SH3RF3: variants seen among roughly 807,000 people sequenced by gnomAD.
The protein encoded by SH3RF3 is E3 ubiquitin-protein ligase SH3RF3.
In SH3RF3, 29 loss-of-function variants were observed where a neutral mutation model predicts 66.3. The observed-to-expected ratio is 0.44, with a 90% CI of 0.33 to 0.60. The LOEUF (loss-of-function observed/expected upper bound fraction) is 0.60. Ranked by LOEUF, SH3RF3 falls within the 20% of genes least tolerant of loss-of-function variation. The probability of loss-of-function intolerance (pLI) is 0.04; values close to 1 mark genes in which losing one functional copy is unlikely to be tolerated. For synonymous variants in SH3RF3, 583 were observed against 532.0 expected (o/e 1.10, Z -1.32); for missense variants, 1,194 against 1,190.9 (o/e 1.00, Z -0.04).
chr2:109,470,762 CT>C (rs1299203905), intron 8 of SH3RF3, among the ~76,000 whole-genome samples: 3 of 152,232 alleles, frequency 2.0e-5, no homozygotes, highest in Non-Finnish European at 4.4e-5. Context: ...TCAGCCACCC[CT>C]GTTCCACAGG....
chr2:109,141,238 T>C (rs926882620), intron 1 of SH3RF3, among the ~76,000 whole-genome samples: 13 of 152,320 alleles, frequency 8.5e-5, no homozygotes, highest in Admixed American at 2.0e-4. Flanking sequence ...TCAGTGACCC[T>C]TCCTCACTCT....
Position 109,164,514 on chromosome 2 carries a change from C to T in SH3RF3, c.573+34401C>T, listed in dbSNP as rs562851584. On this transcript the variant is annotated intron_variant, in intron 1 of 9. Coordinates refer to ENST00000309415, the MANE Select transcript of SH3RF3 (RefSeq NM_001099289.3). ...TAATTTTATTTTTCTGTAGACTCTTCGGCCAAGCCTGGCTGTTTCCCAGTT... is the reference window on the plus strand; with the variant it reads ...TAATTTTATTTTTCTGTAGACTCTTTGGCCAAGCCTGGCTGTTTCCCAGTT... Among the ~76,000 whole-genome samples the T allele has an allele frequency of 3.0e-4, 46 of 152,272 alleles. 1 individual carries two copies. In the South Asian group the frequency reaches 6.4e-3, roughly 21 times the overall value.
Position 109,371,741 on chromosome 2 carries a change from G to T in SH3RF3, c.945+60G>T, listed in dbSNP as rs1683277435. On this transcript the variant is annotated intron_variant, in intron 3 of 9. Transcript: ENST00000309415. ...TCTTGCCCACCCTTGTTTCACTACA[G>T]TGGGGTCACCTGACCTTCAAGCCCC... The T allele has an allele frequency of 4.8e-6, 7 of 1,469,744 alleles. No homozygotes were observed. The African/African-American group carries it at 9.7e-5, about 20-fold the overall frequency. 91.0% of individuals were successfully genotyped at this position (1,469,744 alleles called of 1,614,324 possible). A position where few individuals can be genotyped will look rare whatever the true frequency, so the allele number is the denominator to read the frequency against.
chr2:109,357,605 C>A (rs11898400), intron 2 of SH3RF3, among the ~76,000 whole-genome samples: 22,548 of 152,214 alleles, frequency 0.15, 1,968 homozygotes, highest in Middle Eastern at 0.24. Context: ...TTGCTCTTGA[C>A]CTTCACATCA....
At chr2:109,417,621 C>T (rs1338137739) in intron 4 of SH3RF3, among the ~76,000 whole-genome samples, 1 of 152,160 alleles carries the variant, frequency 6.6e-6, no homozygotes, top group African/African-American at 2.4e-5. Context: ...AGGTTTTTCT[C>T]ACAGTGTCTG....
intron 8 of SH3RF3, 117 bp from the exon 9 acceptor site, chr2:109,490,488 A>C: frequency 1.1e-6 from 1 of 941,864 alleles, no homozygotes; most frequent in East Asian, 3.0e-5. Flanking sequence ...TTTTGTCTGA[A>C]AAAATAAGAA....
At chr2:109,335,005 A>T (rs1682376733) in intron 1 of SH3RF3, among the ~76,000 whole-genome samples, 1 of 152,090 alleles carries the variant, frequency 6.6e-6, no homozygotes, top group Non-Finnish European at 1.5e-5. Flanking sequence ...AACGCGATTT[A>T]TGTCACCGCG....
At chr2:109,353,159 A>T (rs1242252943) in intron 2 of SH3RF3, among the ~76,000 whole-genome samples, 2 of 152,066 alleles carry the variant, frequency 1.3e-5, no homozygotes, top group Admixed American at 1.3e-4. Context: ...ACAAGGCCCC[A>T]CCTCACCCAG....
chr2:109,305,318 G>A lies in SH3RF3; in HGVS notation c.574-42356G>A, dbSNP rs1459904968. 2.0e-5 allele frequency among the ~76,000 whole-genome samples: 3 copies of A among 152,098 alleles called. No individual in the cohort carries two copies. The East Asian group carries it at 5.8e-4, about 29-fold the overall frequency. The stretch of plus-strand genomic sequence containing the variant: ...AGGCCTGTCATGAAGTTCCCTGAGA[G>A]GATGAAGCGCCTCTTCTGTGGTTAC... On this transcript the variant is annotated intron_variant, in intron 1 of 9. Transcript: ENST00000309415.
chr2:109,369,396 C>A (rs914030592), intron 2 of SH3RF3, among the ~76,000 whole-genome samples: 4 of 152,188 alleles, frequency 2.6e-5, no homozygotes, highest in Non-Finnish European at 5.9e-5. Flanking sequence ...CAACGCTGAG[C>A]GTTGCTGGAG....
chr2:109,251,574 TG>T, intron 1 of SH3RF3: 1 of 853,496 alleles, frequency 1.2e-6, no homozygotes, highest in Non-Finnish European at 2.0e-6. Context: ...TGGCGACTGG[TG>T]GGCAACAGAA....
intron 1 of SH3RF3, among the ~76,000 whole-genome samples, chr2:109,334,487 G>T (rs1031165927): frequency 8.6e-5 from 13 of 151,996 alleles, no homozygotes; most frequent in African/African-American, 3.1e-4. Flanking sequence ...GACTTTCCTC[G>T]CAATAAGGGC....
At chr2:109,345,121 G>A (rs1682655115) in intron 1 of SH3RF3, among the ~76,000 whole-genome samples, 1 of 152,172 alleles carries the variant, frequency 6.6e-6, no homozygotes, top group Admixed American at 6.5e-5. Context: ...CTGGGTGGTG[G>A]CCTACAGCCC....
intron 8 of SH3RF3, among the ~76,000 whole-genome samples, chr2:109,472,259 G>A (rs1465125615): frequency 6.6e-6 from 1 of 152,110 alleles, no homozygotes; most frequent in Non-Finnish European, 1.5e-5. Context: ...CACCTGGCCA[G>A]GGTCTGGGCT....
chr2:109,290,070 G>C (rs974618198), intron 1 of SH3RF3, among the ~76,000 whole-genome samples: 1 of 152,178 alleles, frequency 6.6e-6, no homozygotes, highest in African/African-American at 2.4e-5. Flanking sequence ...ATTAACCAAG[G>C]AATCTCTCTT....
chr2:109,485,292 A>G (rs960894194), intron 8 of SH3RF3, among the ~76,000 whole-genome samples: 7 of 152,254 alleles, frequency 4.6e-5, no homozygotes, highest in African/African-American at 1.4e-4. Flanking sequence ...AACTGAATAA[A>G]TGTGCACTTA....
intron 1 of SH3RF3, among the ~76,000 whole-genome samples, chr2:109,198,066 T>G (rs1678549343): frequency 6.6e-6 from 1 of 152,138 alleles, no homozygotes; most frequent in Non-Finnish European, 1.5e-5. Context: ...CCATGCAGTG[T>G]GTCAGTTGGG....
chr2:109,401,546 G>T (rs773393741), intron 4 of SH3RF3, among the ~76,000 whole-genome samples: 18 of 152,204 alleles, frequency 1.2e-4, no homozygotes, highest in Non-Finnish European at 2.1e-4. Context: ...CCTGTAATTT[G>T]TGAGTAATAT....
At chr2:109,349,030 T>A (rs1165007873) in intron 2 of SH3RF3, among the ~76,000 whole-genome samples, 2 of 152,148 alleles carry the variant, frequency 1.3e-5, no homozygotes, top group Non-Finnish European at 2.9e-5. Flanking sequence ...TCTCTCTCTC[T>A]CTCTCTCACA....
Sources: gnomAD v4.1 joint callset for allele counts (sites outside exome capture counted in the v4.1 genomes callset) on GRCh38, gnomAD v4.1.1 for gene constraint, MANE v1.5 for transcripts, NCBI Gene and HGNC (gene_info 2026-07-23, HGNC 2026-07-21) for gene names.